Variants in PCMT1 observed in about 807,000 individuals in gnomAD.
PCMT1 encodes protein-L-isoaspartate (D-aspartate) O-methyltransferase.
PCMT1 carries 9 observed loss-of-function variants against 29.2 expected under a neutral mutation model. The observed-to-expected ratio is 0.31, with a 90% CI of 0.19 to 0.54. PCMT1 has a LOEUF of 0.54. Ranked by LOEUF, PCMT1 falls within the 20% of genes least tolerant of loss-of-function variation. PCMT1 has a pLI of 0.95. For missense variants in PCMT1, 184 were observed against 282.2 expected, an observed-to-expected ratio of 0.65 and a Z score of 2.49; for synonymous variants, 98 against 97.5, an observed-to-expected ratio of 1.00 and a Z score of -0.03.
At chr6:149,801,015 C>T (rs1367941066) in intron 6 of PCMT1, among the ~76,000 whole-genome samples, 1 of 152,214 alleles carries the variant, frequency 6.6e-6, no homozygotes, top group Non-Finnish European at 1.5e-5. Flanking sequence ...TCCCCATCCT[C>T]AAGAGCTTGT....
intron 1 of PCMT1, among the ~76,000 whole-genome samples, chr6:149,755,947 T>C (rs954235126): frequency 3.3e-5 from 5 of 152,138 alleles, no homozygotes; most frequent in Non-Finnish European, 7.3e-5. Flanking sequence ...ATCACGCAGG[T>C]AGACTTGGGA....
intron 3 of PCMT1, among the ~76,000 whole-genome samples, chr6:149,773,588 C>T (rs1787430409): frequency 6.6e-6 from 1 of 152,094 alleles, no homozygotes; most frequent in African/African-American, 2.4e-5. Context: ...TGGTCTTAGC[C>T]AGGATGGTCT....
At chr6:149,755,484 G>A (rs750386826) in intron 1 of PCMT1, among the ~76,000 whole-genome samples, 8 of 152,024 alleles carry the variant, frequency 5.3e-5, no homozygotes, top group Non-Finnish European at 1.0e-4. Context: ...TATTGTATGC[G>A]GTTTCAGGCA....
At chr6:149,770,194 G>A (rs946126878) in intron 1 of PCMT1, among the ~76,000 whole-genome samples, 2 of 152,112 alleles carry the variant, frequency 1.3e-5, no homozygotes, top group Admixed American at 6.6e-5. Flanking sequence ...CCAGATCCAT[G>A]TGTCCAGCTG....
chr6:149,765,257 G>GTA (rs1326788794), intron 1 of PCMT1, among the ~76,000 whole-genome samples: 1 of 148,982 alleles, frequency 6.7e-6, no homozygotes, highest in African/African-American at 2.5e-5. Flanking sequence ...CTACTCGGGA[G>GTA]GCTGAGGCAG....
At chr6:149,791,115 C>A (rs1256284765) in intron 4 of PCMT1, among the ~76,000 whole-genome samples, 3 of 152,150 alleles carry the variant, frequency 2.0e-5, no homozygotes, top group African/African-American at 4.8e-5. Context: ...CCCCACCGGG[C>A]CCTGGGACAT....
chr6:149,775,030 A>C (rs953622718), intron 3 of PCMT1, among the ~76,000 whole-genome samples: 1 of 152,008 alleles, frequency 6.6e-6, no homozygotes, highest in Non-Finnish European at 1.5e-5. Flanking sequence ...TTTTTAATAG[A>C]GACAGGGTTT....
intron 1 of PCMT1, among the ~76,000 whole-genome samples, chr6:149,765,375 A>T (rs1208010624): frequency 6.6e-6 from 1 of 151,336 alleles, no homozygotes; most frequent in Admixed American, 6.6e-5. Flanking sequence ...AAAAAAAAAA[A>T]AAAATTAAAA....
chr6:149,775,752 G>C (rs1283694740), intron 3 of PCMT1, among the ~76,000 whole-genome samples: 1 of 152,156 alleles, frequency 6.6e-6, no homozygotes, highest in African/African-American at 2.4e-5. Context: ...ACATATGACA[G>C]CAAGGGAAAA....
intron 1 of PCMT1, among the ~76,000 whole-genome samples, chr6:149,761,560 G>A (rs976762931): frequency 2.6e-5 from 4 of 151,960 alleles, no homozygotes; most frequent in Non-Finnish European, 5.9e-5. Flanking sequence ...TGCCAAGATG[G>A]ATGAGTATTT....
At chr6:149,792,160 C>G (rs1250985950) in intron 4 of PCMT1, among the ~76,000 whole-genome samples, 2 of 151,562 alleles carry the variant, frequency 1.3e-5, no homozygotes, top group Non-Finnish European at 2.9e-5. Context: ...ACTAAAAATA[C>G]AAAAATTAGC....
At chr6:149,793,528 G>C in intron 4 of PCMT1, 21 bp from the exon 5 acceptor site, 1 of 1,440,882 alleles carries the variant, frequency 6.9e-7, no homozygotes, top group Non-Finnish European at 9.1e-7. Context: ...ATGAGCTACT[G>C]AATTGTTTTC....
chr6:149,765,664 A>G (rs942062836), intron 1 of PCMT1: 20 of 371,728 alleles, frequency 5.4e-5, no homozygotes, highest in Non-Finnish European at 9.3e-5. Flanking sequence ...TTTATTTTTT[A>G]TTTTTTATTT....
Position 149,777,382 on chromosome 6 carries a change from G to A in PCMT1, c.192+4213G>A, listed in dbSNP as rs756996209. On this transcript the variant is annotated intron_variant, in intron 3 of 7. Transcript: ENST00000464889. The stretch of plus-strand genomic sequence containing the variant: ...GAACGTGTATAATTTTTACATCATC[G>A]TAAAGTCGAGAAATCATATGTTGAA... Among the ~76,000 whole-genome samples the A allele has an allele frequency of 4.6e-5, 7 of 152,280 alleles. No homozygotes were observed. The South Asian group carries it at 6.2e-4, about 14-fold the overall frequency.
intron 1 of PCMT1, among the ~76,000 whole-genome samples, 176 bp from the exon 2 acceptor site, chr6:149,770,986 G>A (rs1331294810): frequency 1.3e-5 from 2 of 151,792 alleles, no homozygotes; most frequent in Non-Finnish European, 2.9e-5. Context: ...GCGACAGAGC[G>A]AGACTCTGTC....
At chr6:149,751,909 G>T (rs1786336045) in intron 1 of PCMT1, among the ~76,000 whole-genome samples, 1 of 151,370 alleles carries the variant, frequency 6.6e-6, no homozygotes, top group South Asian at 2.1e-4. Context: ...GGGTTTCACT[G>T]TCACCCAGGT....
intron 1 of PCMT1, among the ~76,000 whole-genome samples, chr6:149,758,671 C>G (rs1786616362): frequency 6.6e-6 from 1 of 151,974 alleles, no homozygotes; most frequent in South Asian, 2.1e-4. Context: ...GTAAAGGAAT[C>G]CAAGGAACAT....
At chr6:149,761,373 C>T (rs1271779027) in intron 1 of PCMT1, among the ~76,000 whole-genome samples, 3 of 151,938 alleles carry the variant, frequency 2.0e-5, no homozygotes, top group African/African-American at 4.8e-5. Flanking sequence ...TTAAAAGATA[C>T]AGAATAAGAT....
At chr6:149,793,333 G>T in intron 4 of PCMT1, among the ~76,000 whole-genome samples, 3 of 151,994 alleles carry the variant, frequency 2.0e-5, no homozygotes, top group Non-Finnish European at 4.4e-5. Context: ...ATTTTTCTTA[G>T]TATTACAAGT....
Sources: allele counts gnomAD v4.1 joint callset (sites outside exome capture counted in the v4.1 genomes callset), GRCh38; gene constraint gnomAD v4.1.1; transcripts MANE v1.5; gene names NCBI Gene and HGNC (gene_info 2026-07-23, HGNC 2026-07-21).